Variants in RERE observed in about 807,000 individuals in gnomAD.
RERE encodes arginine-glutamic acid dipeptide repeats protein.
Under a neutral mutation model 146.1 loss-of-function variants are expected in RERE, and 40 were observed. The ratio of observed to expected loss-of-function variants is 0.27; its 90% CI spans 0.21 to 0.36. The LOEUF (loss-of-function observed/expected upper bound fraction) is 0.36, where lower values mean the gene tolerates loss of function less well. RERE is among the 10% of genes least tolerant of loss of function. The pLI is 1.00. For synonymous variants in RERE, 1,003 were observed against 866.0 expected, an observed-to-expected ratio of 1.16 and a Z score of -2.78; for missense variants, 1,933 against 2,138.7, an observed-to-expected ratio of 0.90 and a Z score of 1.90.
intron 1 of RERE, among the ~76,000 whole-genome samples, chr1:8,758,602 G>C (rs1640694209): frequency 6.6e-6 from 1 of 151,634 alleles, no homozygotes; most frequent in Admixed American, 6.6e-5. Context: ...TCGCCAAGCT[G>C]GTCTCGAATT....
In RERE at chr1:8,569,798, G is replaced by T. The variant is rs146221478; in HGVS notation, c.523-12275C>A. ...TCCCAGTTATTCTGGAGACTGAGGC[G>T]GTAGGATCTCCTGAGCCCAACAGCT... is the stretch of plus-strand genomic sequence containing the variant. On this transcript the variant is annotated intron_variant, in intron 4 of 22. Coordinates refer to ENST00000400908, the MANE Select transcript of RERE (RefSeq NM_001042681.2). Among the ~76,000 whole-genome samples the T allele has an allele frequency of 5.6e-4, 85 of 152,022 alleles. 1 individual carries two copies. The highest frequency in any genetic ancestry group is 7.2e-4 in the Admixed American group (11 of 15,222).
rs563359897 is a variant in RERE at position 8,549,628 on chromosome 1, A to AT, written c.725+6846dup. 1.8e-4 allele frequency among the ~76,000 whole-genome samples: 28 copies of AT among 152,358 alleles called. No homozygotes were observed. The South Asian group carries it at 5.6e-3, about 30-fold the overall frequency. On this transcript the variant is annotated intron_variant, in intron 6 of 22. Transcript: ENST00000400908. ...GGGTGAAAATTTAAGGAGATAAATG[A>AT]TTTGCAGAGTGTCAAAGTATCTCCC...
At chr1:8,752,967 T>C (rs781277401) in intron 1 of RERE, among the ~76,000 whole-genome samples, 1 of 152,184 alleles carries the variant, frequency 6.6e-6, no homozygotes, top group Non-Finnish European at 1.5e-5. Context: ...TAGAAAGAAA[T>C]GTATAGCATG....
intron 1 of RERE, among the ~76,000 whole-genome samples, chr1:8,743,561 A>C (rs1640356889): frequency 6.6e-6 from 1 of 151,426 alleles, no homozygotes; most frequent in African/African-American, 2.4e-5. Flanking sequence ...GCACCCAGCC[A>C]CACTTGGCCA....
At chr1:8,694,236 C>T (rs987121405) in intron 1 of RERE, among the ~76,000 whole-genome samples, 2 of 152,114 alleles carry the variant, frequency 1.3e-5, no homozygotes, top group East Asian at 1.9e-4. Context: ...ACCCTGAAGA[C>T]GCCATCAAAA....
At chr1:8,750,460 T>G (rs549839606) in intron 1 of RERE, 1 of 986,314 alleles carries the variant, frequency 1.0e-6, no homozygotes, top group Admixed American at 1.7e-5. Flanking sequence ...AGAAGGTGGT[T>G]CCTGCTGTGC....
intron 1 of RERE, among the ~76,000 whole-genome samples, chr1:8,721,777 T>G (rs1008229647): frequency 6.6e-6 from 1 of 152,218 alleles, no homozygotes; most frequent in Non-Finnish European, 1.5e-5. Flanking sequence ...CCTTTCTGAC[T>G]GCTTAAATAT....
chr1:8,623,617 T>C lies in RERE; in HGVS notation c.396+693A>G, dbSNP rs1395368220. ...CTTAGCATGTTTATTTGCAGACCTC[T>C]GCCAAATCTCTGCAGACATCCAGGG... On this transcript the variant is annotated intron_variant, in intron 3 of 22. Coordinates refer to ENST00000400908, the MANE Select transcript of RERE (RefSeq NM_001042681.2). 2.6e-5 allele frequency among the ~76,000 whole-genome samples: 4 copies of C among 152,228 alleles called. 1 individual carries two copies. In the East Asian group the frequency reaches 7.7e-4, roughly 29 times the overall value.
At chr1:8,684,184 G>C (rs1467363306) in intron 1 of RERE, among the ~76,000 whole-genome samples, 1 of 152,090 alleles carries the variant, frequency 6.6e-6, no homozygotes, top group Non-Finnish European at 1.5e-5. Flanking sequence ...TCCACTTAAA[G>C]TCATGCTAAA....
chr1:8,464,633 T>A (rs1430325762), intron 11 of RERE, among the ~76,000 whole-genome samples: 1 of 152,132 alleles, frequency 6.6e-6, no homozygotes, highest in Non-Finnish European at 1.5e-5. Context: ...GAAACATTCC[T>A]GCCTACTTCT....
At chr1:8,652,623 A>G (rs7514669) in intron 2 of RERE, among the ~76,000 whole-genome samples, 2,318 of 152,308 alleles carry the variant, frequency 0.015, 61 homozygotes, top group African/African-American at 0.053. Flanking sequence ...CATCCTTCTC[A>G]TATGACAGTA....
chr1:8,550,594 T>A (rs1306387647), intron 6 of RERE, among the ~76,000 whole-genome samples: 1 of 152,192 alleles, frequency 6.6e-6, no homozygotes, highest in Non-Finnish European at 1.5e-5. Context: ...TCACCCAGGC[T>A]GGAGTGCAGT....
intron 1 of RERE, among the ~76,000 whole-genome samples, chr1:8,675,941 T>C (rs1233497387): frequency 2.0e-5 from 3 of 152,194 alleles, no homozygotes; most frequent in Admixed American, 2.0e-4. Flanking sequence ...TTGAGCATCA[T>C]CTTAGCACCC....
chr1:8,775,008 T>C (rs971596855), intron 1 of RERE, among the ~76,000 whole-genome samples: 1 of 138,628 alleles, frequency 7.2e-6, no homozygotes, highest in Non-Finnish European at 1.5e-5. Context: ...GTCACCAGGC[T>C]GGAGTGCAGT....
Position 8,359,857 on chromosome 1 carries a change from C to T in RERE, c.3525G>A (p.Glu1175=). The change falls in exon 19 of 23, where the codon GAG becomes GAA. Residue 1175 remains glutamate (E), a synonymous_variant. Transcript: ENST00000400908. ...GCTCTCGCTCCTCTCGGGCTTTCTGCTCAGCCTCGCGCTTGGCCTTCTCAA... is the reference window on the plus strand; with the variant it reads ...GCTCTCGCTCCTCTCGGGCTTTCTGTTCAGCCTCGCGCTTGGCCTTCTCAA... The part of the protein sequence containing the change: ...EAIEKAKREA[E]QKAREERERE... The T allele has an allele frequency of 6.2e-7, 1 of 1,611,982 alleles. No homozygotes were observed. The highest frequency in any genetic ancestry group is 1.3e-5 in the African/African-American group (1 of 75,066).
chr1:8,457,501 G>T (rs527891847), intron 11 of RERE, among the ~76,000 whole-genome samples: 3 of 152,302 alleles, frequency 2.0e-5, no homozygotes, highest in Non-Finnish European at 4.4e-5. Flanking sequence ...TACTAGAGAA[G>T]ATACAAAATA....
chr1:8,777,979 C>T (rs184452599), intron 1 of RERE, among the ~76,000 whole-genome samples: 6 of 151,652 alleles, frequency 4.0e-5, no homozygotes, highest in African/African-American at 1.5e-4. Context: ...CAAATTAATT[C>T]TCTGAATCTC....
At chr1:8,492,338 A>C (rs1423055312) in intron 10 of RERE, among the ~76,000 whole-genome samples, 1 of 152,214 alleles carries the variant, frequency 6.6e-6, no homozygotes, top group Non-Finnish European at 1.5e-5. Flanking sequence ...AAAGGGGAAT[A>C]AATCATATAC....
At chr1:8,355,789 G>T (rs895226341) in intron 21 of RERE, among the ~76,000 whole-genome samples, 190 bp from the exon 22 acceptor site, 8 of 152,062 alleles carry the variant, frequency 5.3e-5, no homozygotes, top group Non-Finnish European at 1.0e-4. Flanking sequence ...GCCCTTGGGT[G>T]CCTCTGCCTG....
Sources: gnomAD v4.1 joint callset for allele counts (sites outside exome capture counted in the v4.1 genomes callset) on GRCh38, gnomAD v4.1.1 for gene constraint, MANE v1.5 for transcripts, NCBI Gene and HGNC (gene_info 2026-07-23, HGNC 2026-07-21) for gene names.